The following GRIN2A variants were observed in gnomAD, a reference collection of about 807,000 sequenced individuals.
GRIN2A encodes glutamate receptor ionotropic, NMDA 2A.
Under a neutral mutation model 113.4 loss-of-function variants are expected in GRIN2A, and 22 were observed. The ratio of observed to expected loss-of-function variants is 0.19; its 90% CI spans 0.14 to 0.28. GRIN2A has a LOEUF of 0.28. Ranked by LOEUF, GRIN2A falls within the 10% of genes least tolerant of loss-of-function variation. The pLI, the probability that GRIN2A is intolerant of heterozygous loss-of-function variation, is 1.00. For missense variants in GRIN2A, 1,502 were observed against 1,887.0 expected, an observed-to-expected ratio of 0.80 and a Z score of 3.78; for synonymous variants, 827 against 738.4, an observed-to-expected ratio of 1.12 and a Z score of -1.94.
At chr16:9,935,936 C>T (rs1173138646) in intron 3 of GRIN2A, among the ~76,000 whole-genome samples, 3 of 151,982 alleles carry the variant, frequency 2.0e-5, no homozygotes, top group African/African-American at 7.2e-5. Context: ...TCCTGGCCTC[C>T]AGCGATCCAC....
chr16:9,938,017 T>G lies in GRIN2A; in HGVS notation c.949A>C (p.Lys317Gln), dbSNP rs141326581. Residue 317 changes from lysine to glutamine, a missense_variant, in exon 3 of 13, where the codon AAG becomes CAG. By Grantham distance (53) the Lys-to-Gln change is moderately conservative (BLOSUM62 1). Transcript: ENST00000330684. Reference sequence around the variant, plus strand: ...TCCATCTGCCCGTAGCAGCTGGCCTTGGCCTCGGGGATGTAGGAGAACTTC... The same window carrying G: ...TCCATCTGCCCGTAGCAGCTGGCCTGGGCCTCGGGGATGTAGGAGAACTTC... ...LEKFSYIPEA[K>Q]ASCYGQMERP... 8.1e-5 allele frequency: 131 copies of G among 1,613,964 alleles called. No homozygotes were observed. The highest frequency in any genetic ancestry group is 1.2e-5 in the Non-Finnish European group (14 of 1,179,998).
In GRIN2A at chr16:9,763,592, G is replaced by A. The variant is rs774419037; in HGVS notation, c.3952C>T (p.Arg1318Trp). ...CCGTAAAAATTTCCCTCCAGAAGCC[G>A]TTCCCTGTCCTTGAGGCTTATGCTC... is the stretch of plus-strand genomic sequence containing the variant. ...SRSISLKDRERLLEGNFYGSL... is the reference protein window; with the variant it reads ...SRSISLKDREWLLEGNFYGSL... Residue 1318 changes from arginine (R) to tryptophan (W), a missense_variant, in exon 13 of 13, where the codon CGG (arginine) becomes TGG (tryptophan). By Grantham distance (101) the Arg-to-Trp change is moderately radical (BLOSUM62 -3). Around this residue, in one of 7 missense-constraint regions of GRIN2A, gnomAD observed 832 missense variants for 789.7 expected, o/e 1.05. Coordinates refer to ENST00000330684, the MANE Select transcript of GRIN2A (RefSeq NM_001134407.3). 7.4e-6 allele frequency: 12 copies of A among 1,613,412 alleles called. No individual in the cohort carries two copies. The Admixed American group carries it at 8.3e-5, about 11-fold the overall frequency.
chr16:9,852,171 G>C (rs936461907), intron 4 of GRIN2A, among the ~76,000 whole-genome samples: 3 of 152,208 alleles, frequency 2.0e-5, no homozygotes, highest in African/African-American at 7.2e-5. Flanking sequence ...GAAACACAGA[G>C]AGGTTATGTG....
At chr16:10,099,403 G>A (rs1274557879) in intron 2 of GRIN2A, among the ~76,000 whole-genome samples, 2 of 152,222 alleles carry the variant, frequency 1.3e-5, no homozygotes, top group African/African-American at 4.8e-5. Flanking sequence ...CCTGTCTCTG[G>A]AGTGCCTAGA....
intron 8 of GRIN2A, among the ~76,000 whole-genome samples, chr16:9,830,074 C>T (rs1390385244): frequency 6.6e-6 from 1 of 152,200 alleles, no homozygotes; most frequent in Admixed American, 6.5e-5. Flanking sequence ...AAGAACCATG[C>T]AATTCAGCGG....
intron 4 of GRIN2A, among the ~76,000 whole-genome samples, chr16:9,871,035 T>C (rs1159093783): frequency 6.6e-6 from 1 of 152,186 alleles, no homozygotes; most frequent in Non-Finnish European, 1.5e-5. Flanking sequence ...CCAATCAATC[T>C]GCTCATTCGT....
intron 2 of GRIN2A, among the ~76,000 whole-genome samples, chr16:9,951,821 C>G (rs1402197754): frequency 1.3e-5 from 2 of 152,174 alleles, no homozygotes; most frequent in African/African-American, 4.8e-5. Context: ...GGCTTCCTGG[C>G]TCCCATCACA....
chr16:9,766,611 C>T (rs1258206666), intron 12 of GRIN2A, among the ~76,000 whole-genome samples: 1 of 152,188 alleles, frequency 6.6e-6, no homozygotes, highest in Non-Finnish European at 1.5e-5. Context: ...ATAACATCTG[C>T]CCCTGCCATC....
intron 2 of GRIN2A, among the ~76,000 whole-genome samples, chr16:9,961,065 T>C (rs1372636153): frequency 1.3e-5 from 2 of 152,256 alleles, no homozygotes; most frequent in Non-Finnish European, 2.9e-5. Context: ...ACTTGGTATA[T>C]AGCAAGCATT....
chr16:10,150,415 G>C (rs1230191469), intron 2 of GRIN2A, among the ~76,000 whole-genome samples: 1 of 152,130 alleles, frequency 6.6e-6, no homozygotes, highest in African/African-American at 2.4e-5. Context: ...GAACCTTCTT[G>C]ACCTGGTATC....
intron 4 of GRIN2A, among the ~76,000 whole-genome samples, chr16:9,868,836 A>C (rs1042255277): frequency 1.3e-5 from 2 of 152,196 alleles, no homozygotes; most frequent in Admixed American, 6.5e-5. Context: ...CTTTTCTCTC[A>C]GTGCCAGGTT....
At chr16:10,150,940 T>C (rs2049555314) in intron 2 of GRIN2A, among the ~76,000 whole-genome samples, 2 of 152,230 alleles carry the variant, frequency 1.3e-5, no homozygotes, top group Admixed American at 1.3e-4. Flanking sequence ...GCCTGACACA[T>C]GGTAGATACT....
intron 3 of GRIN2A, among the ~76,000 whole-genome samples, chr16:9,915,602 A>C (rs1467238351): frequency 6.6e-6 from 1 of 152,124 alleles, no homozygotes; most frequent in Non-Finnish European, 1.5e-5. Context: ...GGGACTCACA[A>C]CTCACAGTTG....
intron 2 of GRIN2A, among the ~76,000 whole-genome samples, chr16:10,127,850 C>G (rs1320506217): frequency 6.6e-6 from 1 of 152,174 alleles, no homozygotes; most frequent in African/African-American, 2.4e-5. Flanking sequence ...GGTCTTTACC[C>G]TTGGTGTCTT....
At chr16:10,130,383 T>C (rs1027610252) in intron 2 of GRIN2A, among the ~76,000 whole-genome samples, 1 of 152,216 alleles carries the variant, frequency 6.6e-6, no homozygotes, top group Non-Finnish European at 1.5e-5. Flanking sequence ...TTAGAATTAA[T>C]AGAATTTTCG....
intron 4 of GRIN2A, among the ~76,000 whole-genome samples, chr16:9,870,628 CT>C (rs951273100): frequency 0.018 from 2,438 of 138,132 alleles, 36 homozygotes; most frequent in African/African-American, 0.058. Context: ...AACTTTTTTT[CT>C]TTTTTTTTTT....
At chr16:9,844,870 C>T (rs2042744598) in intron 5 of GRIN2A, among the ~76,000 whole-genome samples, 1 of 152,186 alleles carries the variant, frequency 6.6e-6, no homozygotes. Context: ...TATCACCCAA[C>T]TAACAGACCA....
intron 2 of GRIN2A, among the ~76,000 whole-genome samples, chr16:10,123,635 C>G (rs4312304): frequency 0.079 from 12,083 of 152,222 alleles, 537 homozygotes; most frequent in Admixed American, 0.11. Flanking sequence ...GAGGCAGATT[C>G]TAGCTCGGTC....
intron 2 of GRIN2A, among the ~76,000 whole-genome samples, chr16:9,951,433 T>G (rs940281305): frequency 4.6e-5 from 7 of 152,196 alleles, no homozygotes; most frequent in Admixed American, 4.6e-4. Context: ...TAAATTCTCA[T>G]GGGTGCATTT....
Sources: gnomAD v4.1 joint callset for allele counts (sites outside exome capture counted in the v4.1 genomes callset) on GRCh38, gnomAD v4.1.1 for gene constraint, gnomAD v4.1.1 regional missense constraint, MANE v1.5 for transcripts, NCBI Gene and HGNC (gene_info 2026-07-23, HGNC 2026-07-21) for gene names.